Variants in PTBP3 observed in about 807,000 individuals in gnomAD.
PTBP3 encodes polypyrimidine tract binding protein 3, also known as polypyrimidine tract-binding protein 3.
A neutral mutation model predicts 58.7 loss-of-function variants in PTBP3; 20 were observed. That is an observed-to-expected ratio of 0.34 (90% CI 0.24 to 0.50). The LOEUF is 0.50. Ranked by LOEUF, PTBP3 falls within the 20% of genes least tolerant of loss-of-function variation. The probability of loss-of-function intolerance (pLI) is 0.98; values close to 1 mark genes in which losing one functional copy is unlikely to be tolerated. For synonymous variants in PTBP3, 185 were observed against 219.8 expected, an observed-to-expected ratio of 0.84 and a Z score of 1.40; for missense variants, 509 against 637.2, an observed-to-expected ratio of 0.80 and a Z score of 2.17.
chr9:112,270,552 C>A (rs911922185), intron 3 of PTBP3, among the ~76,000 whole-genome samples: 1 of 152,062 alleles, frequency 6.6e-6, no homozygotes, highest in Non-Finnish European at 1.5e-5. Context: ...AGATAAGAAT[C>A]ATAATTAAGC....
chr9:112,314,210 A>G (rs1829609634), intron 1 of PTBP3, among the ~76,000 whole-genome samples: 2 of 152,222 alleles, frequency 1.3e-5, no homozygotes, highest in Non-Finnish European at 2.9e-5. Flanking sequence ...ACAAATGTAT[A>G]CCACACAAAT....
the PTBP3 span, among the ~76,000 whole-genome samples, chr9:112,345,191 C>A: frequency 6.6e-6 from 1 of 151,458 alleles, no homozygotes; most frequent in African/African-American, 2.4e-5. Flanking sequence ...ATGAGCTAAG[C>A]ATGGTGGCAC....
In PTBP3 at chr9:112,227,573, A is replaced by G. The variant is rs1835038806; in HGVS notation, c.1202T>C (p.Leu401Pro). The change falls in exon 12 of 14, where the codon CTG (leucine) becomes CCG (proline). Residue 401 changes from leucine to proline, a missense_variant. Physicochemically the swap from Leu to Pro is moderately conservative, Grantham distance 98. Transcript: ENST00000374257. ...RLYGKVLRATLSKHQAVQLPR... is the reference protein window; with the variant it reads ...RLYGKVLRATPSKHQAVQLPR... ...AAGCTGTACTGCTTGATGTTTGGAC[A>G]GTGTAGCACGAAGCACTTTCCCATA... 1.9e-6 allele frequency: 3 copies of G among 1,613,984 alleles called. No individual in the cohort carries two copies. Among genetic ancestry groups the G allele is most frequent in the African/African-American group, 1.3e-5 (1 of 75,018 alleles).
the PTBP3 span, among the ~76,000 whole-genome samples, chr9:112,379,663 A>G: frequency 6.6e-6 from 1 of 152,130 alleles, no homozygotes; most frequent in Non-Finnish European, 1.5e-5. Context: ...GGGGGCCGAG[A>G]GAACGCCAGG....
the PTBP3 span, among the ~76,000 whole-genome samples, chr9:112,374,545 C>T: frequency 9.8e-5 from 15 of 152,290 alleles, no homozygotes; most frequent in African/African-American, 3.6e-4. Context: ...AGTATTGTCA[C>T]CTAGTTGGTG....
intron 12 of PTBP3, among the ~76,000 whole-genome samples, chr9:112,226,805 G>T (rs983744147): frequency 4.6e-5 from 7 of 152,132 alleles, no homozygotes; most frequent in Admixed American, 3.9e-4. Flanking sequence ...AAAATATTTT[G>T]CTTCCATTTT....
At chr9:112,305,642 TG>T (rs1829151948) in intron 1 of PTBP3, among the ~76,000 whole-genome samples, 1 of 152,124 alleles carries the variant, frequency 6.6e-6, no homozygotes, top group African/African-American at 2.4e-5. Context: ...AACCATGCTG[TG>T]AGTATAAGAG....
At chr9:112,266,273 A>G (rs894542346) in intron 4 of PTBP3, among the ~76,000 whole-genome samples, 10 of 152,350 alleles carry the variant, frequency 6.6e-5, no homozygotes, top group Admixed American at 6.5e-4. Flanking sequence ...TATGTCATGT[A>G]TATTTTACTA....
chr9:112,277,962 A>G (rs1827697398), intron 2 of PTBP3, among the ~76,000 whole-genome samples: 1 of 137,702 alleles, frequency 7.3e-6, no homozygotes, highest in African/African-American at 2.8e-5. Flanking sequence ...ATAACATAAC[A>G]TAACATAACA....
At position 112,222,335 on chromosome 9, in the gene PTBP3, G is replaced by C. The variant is rs966182007; in HGVS notation, c.*1516C>G. On this transcript the variant is annotated 3_prime_UTR_variant, in exon 14 of 14. Transcript: ENST00000374257. ...ACATTCAATGAAAAAGAGAGGGACA[G>C]AGTATGAGAAATAACCCACCTTCTC... 2 of 981,776 alleles carry C rather than the reference G, an allele frequency of 2.0e-6. No individual in the cohort carries two copies. The highest frequency in any genetic ancestry group is 3.5e-5 in the African/African-American group (2 of 57,136). 60.8% of individuals were successfully genotyped at this position (981,776 alleles called of 1,614,324 possible).
chr9:112,353,773 T>A, the PTBP3 span, among the ~76,000 whole-genome samples: 2 of 151,772 alleles, frequency 1.3e-5, no homozygotes, highest in Non-Finnish European at 2.9e-5. Context: ...CTGGCCAACA[T>A]GGTGAAACCC....
chr9:112,297,725 G>C, intron 2 of PTBP3, 107 bp downstream of exon 2: 1 of 893,070 alleles, frequency 1.1e-6, no homozygotes, highest in Non-Finnish European at 1.7e-6. Flanking sequence ...TTTAGCTTTT[G>C]TTATGAACAG....
At chr9:112,331,137 T>G in intron 1 of PTBP3, among the ~76,000 whole-genome samples, 2 of 142,072 alleles carry the variant, frequency 1.4e-5, no homozygotes, top group East Asian at 2.1e-4. Flanking sequence ...GAGAGACAGT[T>G]GGGATTTGAG....
chr9:112,357,997 A>T, the PTBP3 span, among the ~76,000 whole-genome samples: 7 of 152,206 alleles, frequency 4.6e-5, no homozygotes, highest in African/African-American at 1.7e-4. Context: ...TATGTTAGGT[A>T]TGTTTTACAA....
chr9:112,290,703 T>TACACAC (rs1441556582), intron 2 of PTBP3, among the ~76,000 whole-genome samples: 775 of 64,522 alleles, frequency 0.012, 20 homozygotes, highest in African/African-American at 0.065. Flanking sequence ...TATATATATA[T>TACACAC]ATATACACAC....
rs34895970 is a variant in PTBP3, at chr9:112,309,787, CA to C, written c.-51-11872del. Among the ~76,000 whole-genome samples the C allele has an allele frequency of 4.7e-3, 498 of 106,344 alleles. 1 individual carries two copies. The highest frequency in any genetic ancestry group is 0.011 in the Middle Eastern group (2 of 180). The allele number at this position is 106,344 out of a possible 152,430, so 69.8% of individuals were successfully genotyped here. ...TGGGCGACAGAGAGAGACTCCGTCT[CA>C]AAAAAAAAAAAAAAAATTGAGTAAT... On this transcript the variant is annotated intron_variant, in intron 1 of 13. Transcript: ENST00000374257.
chr9:112,295,737 A>T (rs1238355121), intron 2 of PTBP3, among the ~76,000 whole-genome samples: 1 of 152,208 alleles, frequency 6.6e-6, no homozygotes, highest in African/African-American at 2.4e-5. Flanking sequence ...AAAATTGTCA[A>T]AGGACATAAA....
chr9:112,323,840 G>A (rs942290274), intron 1 of PTBP3, among the ~76,000 whole-genome samples: 4 of 152,022 alleles, frequency 2.6e-5, no homozygotes, highest in Middle Eastern at 3.2e-3. Context: ...GAGAGTACAG[G>A]GCAGAAGAAA....
At chr9:112,230,722 T>C (rs928789426) in intron 10 of PTBP3, among the ~76,000 whole-genome samples, 2 of 152,224 alleles carry the variant, frequency 1.3e-5, no homozygotes, top group Non-Finnish European at 2.9e-5. Context: ...GCTCATTAGA[T>C]GTTAATCATG....
Sources: allele counts gnomAD v4.1 joint callset (sites outside exome capture counted in the v4.1 genomes callset), GRCh38; gene constraint gnomAD v4.1.1; transcripts MANE v1.5; gene names NCBI Gene and HGNC (gene_info 2026-07-23, HGNC 2026-07-21).